POLA1: variants seen among roughly 807,000 people sequenced by gnomAD.
The protein encoded by POLA1 is DNA polymerase alpha 1, catalytic subunit.
Under a neutral mutation model 124.0 loss-of-function variants are expected in POLA1, and 15 were observed. The ratio of observed to expected loss-of-function variants is 0.12; its 90% CI spans 0.08 to 0.19. The LOEUF (loss-of-function observed/expected upper bound fraction) is 0.19. Ranked by LOEUF, POLA1 falls within the 10% of genes least tolerant of loss-of-function variation. The probability of loss-of-function intolerance (pLI) is 1.00; values close to 1 mark genes in which losing one functional copy is unlikely to be tolerated. For missense variants in POLA1, 886 were observed against 1,103.4 expected, an observed-to-expected ratio of 0.80 and a Z score of 2.79; for synonymous variants, 408 against 389.4, an observed-to-expected ratio of 1.05 and a Z score of -0.56.
chrX:24,834,084 T>TG (rs1290571436), intron 32 of POLA1, among the ~76,000 whole-genome samples: 1 of 89,027 alleles, frequency 1.1e-5, no homozygotes, highest in East Asian at 3.4e-4. Flanking sequence ...CCAGCCTGGG[T>TG]GACAGAGCAA....
At chrX:24,756,283 C>T (rs928853957) in intron 26 of POLA1, among the ~76,000 whole-genome samples, 44 of 111,037 alleles carry the variant, frequency 4.0e-4, no homozygotes, top group African/African-American at 1.1e-3. Flanking sequence ...AAGTTTGGGC[C>T]GGGCGCGGTG....
chrX:24,798,099 A>G (rs957398378), intron 26 of POLA1, among the ~76,000 whole-genome samples: 15 of 111,400 alleles, frequency 1.3e-4, no homozygotes, highest in African/African-American at 4.9e-4. Flanking sequence ...CTTTTAAAGC[A>G]GTGAGTAGCC....
intron 26 of POLA1, among the ~76,000 whole-genome samples, chrX:24,792,981 A>G (rs1306401082): frequency 2.7e-5 from 3 of 111,018 alleles, no homozygotes; most frequent in Non-Finnish European, 5.7e-5. Flanking sequence ...TTCACAGCAT[A>G]TCTTCTTATT....
chrX:24,753,340 TTTTA>T (rs1932425066), intron 26 of POLA1, among the ~76,000 whole-genome samples: 1 of 102,886 alleles, frequency 9.7e-6, no homozygotes, highest in African/African-American at 3.6e-5. Context: ...TTTTATTTTA[TTTTA>T]TTTTATTTTA....
intron 36 of POLA1, among the ~76,000 whole-genome samples, chrX:24,968,555 T>C (rs868768891): frequency 1.6e-4 from 18 of 109,611 alleles, no homozygotes; most frequent in Middle Eastern, 4.7e-3. Context: ...AAAAATTAGC[T>C]GGGCGTGCGT....
At chrX:24,815,377 TTACATTCCAGAGG>T (rs2045976157) in intron 30 of POLA1, among the ~76,000 whole-genome samples, 2 of 110,437 alleles carry the variant, frequency 1.8e-5, no homozygotes, top group South Asian at 8.0e-4. Context: ...GTGATACAGT[TTACATTCCAGAGG>T]TCCTATGGAG....
chrX:24,821,636 A>G, intron 31 of POLA1, 53 bp downstream of exon 31: 2 of 974,872 alleles, frequency 2.1e-6, no homozygotes, highest in Non-Finnish European at 2.9e-6. Context: ...CTGAAAGTAA[A>G]ATCCAAATTA....
In POLA1 at chrX:24,733,130, G is replaced by C. The variant is rs1391864067; in HGVS notation, c.1772-625G>C. Among the ~76,000 whole-genome samples, 3 of 111,996 alleles carry C rather than the reference G, an allele frequency of 2.7e-5. No individual in the cohort carries two copies. The Admixed American group carries it at 2.8e-4, about 11-fold the overall frequency. On this transcript the variant is annotated intron_variant, in intron 16 of 36. Coordinates refer to ENST00000379068, the MANE Select transcript of POLA1 (RefSeq NM_001330360.2). ...CAGAGATTAACTTGGCGAGCCTCTC[G>C]TCTGGTTTTCTTGGGTGTTAGGAAA...
At chrX:24,927,084 C>G (rs1203690774) in intron 35 of POLA1, among the ~76,000 whole-genome samples, 1 of 109,657 alleles carries the variant, frequency 9.1e-6, no homozygotes, top group Non-Finnish European at 1.9e-5. Context: ...GTGATCTGCC[C>G]TCCTATGCCT....
intron 35 of POLA1, among the ~76,000 whole-genome samples, chrX:24,900,668 C>T (rs975348912): frequency 8.1e-5 from 9 of 111,751 alleles, no homozygotes; most frequent in African/African-American, 2.0e-4. Context: ...GCCGAATGTG[C>T]GCAGGCCCTC....
intron 36 of POLA1, among the ~76,000 whole-genome samples, chrX:24,979,780 AGTTG>A (rs2048401479): frequency 8.9e-6 from 1 of 112,390 alleles, no homozygotes; most frequent in Non-Finnish European, 1.9e-5. Flanking sequence ...GCTGCCCTGC[AGTTG>A]GCTGAGCAGA....
intron 36 of POLA1, among the ~76,000 whole-genome samples, chrX:24,968,441 TG>T (rs1186066727): frequency 8.9e-6 from 1 of 111,975 alleles, no homozygotes; most frequent in East Asian, 2.8e-4. Context: ...GGCTCACTCC[TG>T]TAATCCCAGC....
At chrX:24,694,398 T>A (rs752320872) in intron 1 of POLA1, among the ~76,000 whole-genome samples, 28 of 113,021 alleles carry the variant, frequency 2.5e-4, no homozygotes, top group African/African-American at 9.0e-4. Flanking sequence ...TGTCCCTTTT[T>A]GTAGGAACTT....
At chrX:24,737,347 C>G (rs900996858) in intron 18 of POLA1, among the ~76,000 whole-genome samples, 2 of 111,106 alleles carry the variant, frequency 1.8e-5, no homozygotes, top group Non-Finnish European at 3.8e-5. Flanking sequence ...AAGGCATGAG[C>G]TGCAAATTAA....
intron 36 of POLA1, among the ~76,000 whole-genome samples, chrX:24,974,015 GTATTT>G (rs2048335835): frequency 9.1e-6 from 1 of 109,517 alleles, no homozygotes; most frequent in African/African-American, 3.3e-5. Context: ...ACCCAGGAGA[GTATTT>G]TGTTTTCTAA....
chrX:24,964,476 T>G (rs1227388565), intron 36 of POLA1, among the ~76,000 whole-genome samples: 1 of 113,089 alleles, frequency 8.8e-6, no homozygotes, highest in East Asian at 2.7e-4. Flanking sequence ...ATGTCTTAAT[T>G]TAGCTTACTG....
intron 36 of POLA1, among the ~76,000 whole-genome samples, chrX:24,978,597 A>G (rs969036408): frequency 8.9e-6 from 1 of 112,046 alleles, no homozygotes; most frequent in Non-Finnish European, 1.9e-5. Context: ...TTTCACAACT[A>G]CCCTATGAAG....
chrX:24,941,581 A>G (rs901658051), intron 36 of POLA1, among the ~76,000 whole-genome samples: 3 of 112,472 alleles, frequency 2.7e-5, no homozygotes, highest in South Asian at 3.7e-4. Context: ...ATGCTGTACT[A>G]TCTGGTTCAT....
intron 36 of POLA1, among the ~76,000 whole-genome samples, chrX:24,980,882 A>G (rs764028003): frequency 6.3e-5 from 7 of 111,935 alleles, no homozygotes; most frequent in African/African-American, 1.9e-4. Flanking sequence ...TTTGATAAAT[A>G]GCAAACCTTA....
Sources: allele counts gnomAD v4.1 joint callset (sites outside exome capture counted in the v4.1 genomes callset), GRCh38; gene constraint gnomAD v4.1.1; transcripts MANE v1.5; gene names NCBI Gene and HGNC (gene_info 2026-07-23, HGNC 2026-07-21).